The following GOLGB1 variants were observed in gnomAD, a reference collection of about 807,000 sequenced individuals.
The protein encoded by GOLGB1 is golgin B1, also known as golgin subfamily B member 1.
In GOLGB1, 174 loss-of-function variants were observed where a neutral mutation model predicts 336.9. The observed-to-expected ratio is 0.52, with a 90% CI of 0.46 to 0.59. The LOEUF (loss-of-function observed/expected upper bound fraction) is 0.59. Ranked by LOEUF, GOLGB1 falls within the 20% of genes least tolerant of loss-of-function variation. The probability of loss-of-function intolerance (pLI) is 0.00; values close to 1 mark genes in which losing one functional copy is unlikely to be tolerated. For missense variants in GOLGB1, 3,331 were observed against 3,645.3 expected (o/e 0.91, Z 2.22); for synonymous variants, 1,208 against 1,289.2 (o/e 0.94, Z 1.35).
Position 121,691,981 on chromosome 3 carries a change from C to T in GOLGB1, c.7383G>A (p.Lys2461=). The change falls in exon 14 of 22, where the codon AAG becomes AAA. Residue 2461 remains lysine (K), a synonymous_variant. Transcript: ENST00000614479. ...KTIKKENIQQ[K]AQLDSFVKSM... ...ATTTAACAAAGGAATCCAACTGTGCCTTTTGCTGAATGTTTTCCTTTTTGA... is the reference window on the plus strand; with the variant it reads ...ATTTAACAAAGGAATCCAACTGTGCTTTTTGCTGAATGTTTTCCTTTTTGA... 2 of 1,614,016 alleles carry T rather than the reference C, an allele frequency of 1.2e-6. No individual in the cohort carries two copies. Among genetic ancestry groups the T allele is most frequent in the Non-Finnish European group, 1.7e-6 (2 of 1,179,924 alleles).
chr3:121,722,072 C>A (rs1293004138), intron 6 of GOLGB1, among the ~76,000 whole-genome samples, 190 bp downstream of exon 6: 3 of 152,158 alleles, frequency 2.0e-5, no homozygotes, highest in Admixed American at 2.0e-4. Flanking sequence ...CTGGTGTTCC[C>A]TAATGACACA....
At chr3:121,703,027 A>T (rs951646486) in intron 10 of GOLGB1, among the ~76,000 whole-genome samples, 3 of 152,258 alleles carry the variant, frequency 2.0e-5, no homozygotes, top group Non-Finnish European at 4.4e-5. Flanking sequence ...GTACCTCTTA[A>T]GAAAGGAAGA....
chr3:121,729,443 T>G, intron 3 of GOLGB1, 103 bp from the exon 4 acceptor site: 1 of 957,372 alleles, frequency 1.0e-6, no homozygotes, highest in Non-Finnish European at 1.6e-6. Context: ...AGACAGGGTA[T>G]CTCTCTGTTA....
intron 1 of GOLGB1, among the ~76,000 whole-genome samples, chr3:121,746,889 T>C (rs1423930784): frequency 6.6e-6 from 1 of 151,912 alleles, no homozygotes; most frequent in Non-Finnish European, 1.5e-5. Context: ...CCCAGTCACA[T>C]AGTTCGACAA....
chr3:121,719,247 A>C (rs1945001701), intron 7 of GOLGB1, among the ~76,000 whole-genome samples: 1 of 152,250 alleles, frequency 6.6e-6, no homozygotes, highest in Non-Finnish European at 1.5e-5. Flanking sequence ...TTACTGATCT[A>C]ATAAAAGACT....
chr3:121,744,441 C>CAA (rs11290154), intron 1 of GOLGB1, among the ~76,000 whole-genome samples: 239 of 72,980 alleles, frequency 3.3e-3, no homozygotes, highest in East Asian at 4.5e-3. Context: ...ACTGTCTCTA[C>CAA]AAAAAAAAAA....
intron 1 of GOLGB1, among the ~76,000 whole-genome samples, chr3:121,747,267 A>G (rs866148680): frequency 1.5e-4 from 20 of 133,056 alleles, no homozygotes; most frequent in African/African-American, 5.3e-4. Context: ...GTATATATAT[A>G]TGTATATATG....
intron 14 of GOLGB1, among the ~76,000 whole-genome samples, chr3:121,686,830 C>A (rs1576317606): frequency 6.6e-6 from 1 of 152,060 alleles, no homozygotes; most frequent in East Asian, 1.9e-4. Context: ...AAAAGGAAAG[C>A]AATTGGGAGA....
rs755759526 is a variant in GOLGB1, at chr3:121,664,606, AC to A, written c.9668del (p.Ser3223MetfsTer22). ...LTSNSCRRTR[S>X]GVGWKRVLRS... ...GCAGGACTCGCTTCCATCCAACGCC[AC>A]TCCGGGTCTGAAAGAAAAATGTGAA... On this transcript the variant is annotated frameshift_variant, in exon 22 of 22. Transcript: ENST00000614479. LOFTEE classifies it high-confidence loss of function. 1.7e-5 allele frequency: 28 copies of A among 1,613,856 alleles called. No individual in the cohort carries two copies. Among genetic ancestry groups the A allele is most frequent in the Non-Finnish European group, 2.2e-5 (26 of 1,179,820 alleles).
chr3:121,741,604 T>C (rs1946863766), intron 1 of GOLGB1, among the ~76,000 whole-genome samples: 1 of 152,198 alleles, frequency 6.6e-6, no homozygotes. Context: ...ACACTAATTC[T>C]GTATTTTCAG....
rs1576358426 is a variant in GOLGB1, at chr3:121,698,452, A to T, written c.2071T>A (p.Leu691Met). The change falls in exon 13 of 22, where the codon TTG (leucine) becomes ATG (methionine). Residue 691 changes from leucine (L) to methionine (M), a missense_variant. Coordinates refer to ENST00000614479, the MANE Select transcript of GOLGB1 (RefSeq NM_001366282.2). Reference protein sequence around the residue: ...PDIGQCHQDELERLKSQILEL... With the variant: ...PDIGQCHQDEMERLKSQILEL... ...AAAATTTGACTTTTTAACCTTTCCA[A>T]CTCATCCTGATGACACTGACCAATA... 6.2e-7 allele frequency: 1 copy of T among 1,613,880 alleles called. No individual in the cohort carries two copies. The highest frequency in any genetic ancestry group is 8.5e-7 in the Non-Finnish European group (1 of 1,179,874).
chr3:121,709,635 T>A (rs1944176584), intron 10 of GOLGB1, among the ~76,000 whole-genome samples: 1 of 152,092 alleles, frequency 6.6e-6, no homozygotes, highest in African/African-American at 2.4e-5. Flanking sequence ...GTTCAAAAAC[T>A]GAAATGATTA....
In GOLGB1 at chr3:121,664,327, G is replaced by A. The variant is rs191621254; in HGVS notation, c.*153C>T. The A allele has an allele frequency of 4.3e-5, 30 of 697,362 alleles. No individual in the cohort carries two copies. In the Middle Eastern group the frequency reaches 1.2e-3, roughly 28 times the overall value. 43.2% of individuals were successfully genotyped at this position (697,362 alleles called of 1,614,324 possible). A position where few individuals can be genotyped will look rare whatever the true frequency, so the allele number is the denominator to read the frequency against. On this transcript the variant is annotated 3_prime_UTR_variant, in exon 22 of 22. Transcript: ENST00000614479. ...GTCCCTGCAGCTCCAACCTGTCCTC[G>A]TATCCACCTCTGTTTTTGCAGGCAC... is the stretch of plus-strand genomic sequence containing the variant.
intron 10 of GOLGB1, among the ~76,000 whole-genome samples, chr3:121,704,146 A>G (rs1022787055): frequency 2.6e-5 from 4 of 152,070 alleles, no homozygotes; most frequent in Non-Finnish European, 4.4e-5. Context: ...AATGAATACA[A>G]CCTCAGGGAC....
intron 10 of GOLGB1, among the ~76,000 whole-genome samples, chr3:121,710,900 C>T (rs1944311510): frequency 6.6e-6 from 1 of 151,408 alleles, no homozygotes; most frequent in African/African-American, 2.4e-5. Flanking sequence ...AAAAAAAAGG[C>T]CAGGCGCAGT....
chr3:121,741,595 C>T (rs1028126564), intron 1 of GOLGB1, among the ~76,000 whole-genome samples: 22 of 151,978 alleles, frequency 1.4e-4, no homozygotes, highest in Non-Finnish European at 4.4e-5. Context: ...ATTATGGATA[C>T]ACTAATTCTG....
intron 18 of GOLGB1, 89 bp downstream of exon 18, chr3:121,669,123 T>C: frequency 7.7e-7 from 1 of 1,295,186 alleles, no homozygotes; most frequent in Non-Finnish European, 1.1e-6. Flanking sequence ...CTAATTACAT[T>C]AACTTCTTCC....
At position 121,744,548 on chromosome 3, in the gene GOLGB1, G is replaced by A. The variant is rs540198367; in HGVS notation, c.-3+5084C>T. On this transcript the variant is annotated intron_variant, in intron 1 of 21. Transcript: ENST00000614479. ...GCAGGAGGATCACTTGAGCCCAGGA[G>A]TTTGAGAGTGCAGTCAGCTATGATC... is the stretch of plus-strand genomic sequence containing the variant. 9.5e-5 allele frequency among the ~76,000 whole-genome samples: 14 copies of A among 147,752 alleles called. 1 individual carries two copies. The highest frequency in any genetic ancestry group is 3.5e-4 in the African/African-American group (14 of 39,894).
At position 121,664,929 on chromosome 3, in the gene GOLGB1, T is replaced by G; in HGVS notation, c.9657A>C (p.Arg3219=). The change falls in exon 21 of 22, where the codon CGA becomes CGC. Residue 3219 remains arginine (R), a synonymous_variant. Coordinates refer to ENST00000614479, the MANE Select transcript of GOLGB1 (RefSeq NM_001366282.2). ...TCTTTATCCTTCTTCCTCTTACCCTTCGACAACTGTTGCTTGTAAGATCTA... is the reference window on the plus strand; with the variant it reads ...TCTTTATCCTTCTTCCTCTTACCCTGCGACAACTGTTGCTTGTAAGATCTA... ...LLIDLTSNSC[R]RTRSGVGWKR... The G allele has an allele frequency of 6.4e-7, 1 of 1,570,032 alleles. No homozygotes were observed. Among genetic ancestry groups the G allele is most frequent in the Non-Finnish European group, 8.8e-7 (1 of 1,139,772 alleles).
Sources: allele counts gnomAD v4.1 joint callset (sites outside exome capture counted in the v4.1 genomes callset), GRCh38; gene constraint gnomAD v4.1.1; transcripts MANE v1.5; gene names NCBI Gene and HGNC (gene_info 2026-07-23, HGNC 2026-07-21).